Variants in CCDC187 observed in about 807,000 individuals in gnomAD.
The protein encoded by CCDC187 is coiled-coil domain containing 187.
Under a neutral mutation model 38.0 loss-of-function variants are expected in CCDC187, and 32 were observed. The ratio of observed to expected loss-of-function variants is 0.84; its 90% CI spans 0.64 to 1.13. CCDC187 has a LOEUF of 1.13. Ranked by LOEUF, CCDC187 falls within the 50% of genes most tolerant of loss-of-function variation. The probability of loss-of-function intolerance (pLI) is 0.00; values close to 1 mark genes in which losing one functional copy is unlikely to be tolerated. For synonymous variants in CCDC187, 333 were observed against 347.9 expected, an observed-to-expected ratio of 0.96 and a Z score of 0.48; for missense variants, 707 against 786.8, an observed-to-expected ratio of 0.90 and a Z score of 1.21.
At chr9:136,267,933 A>C in intron 15 of CCDC187, 116 bp downstream of exon 15, 1 of 985,376 alleles carries the variant, frequency 1.0e-6, no homozygotes, top group Non-Finnish European at 1.2e-6. Flanking sequence ...GAACCTCCCA[A>C]CCCAGGACCT....
Position 136,263,259 on chromosome 9 carries a change from C to T in CCDC187, c.3912+363G>A, listed in dbSNP as rs565724754. On this transcript the variant is annotated intron_variant, in intron 18 of 25. Coordinates refer to ENST00000638797, the MANE Select transcript of CCDC187 (RefSeq NM_001378188.1). Reference sequence around the variant, plus strand: ...GCTTTTTTTTTTTTTTTTTTTGAGACGAAGTCTCCCTGTCGCCCAGGGTGG... The same window carrying T: ...GCTTTTTTTTTTTTTTTTTTTGAGATGAAGTCTCCCTGTCGCCCAGGGTGG... Among the ~76,000 whole-genome samples, 59 of 116,832 alleles carry T rather than the reference C, an allele frequency of 5.0e-4. No homozygotes were observed. The East Asian group carries it at 0.014, about 28-fold the overall frequency. The allele number at this position is 116,832 out of a possible 152,430, so 76.6% of individuals were successfully genotyped here.
rs945081796 is a variant in CCDC187 at position 136,291,365 on chromosome 9, G to T, written c.1248C>A (p.Asp416Glu). ...TAGAGAAGGAGCTCTGGGCATTGGG[G>T]TCCCTGCAGCAGCCCCTCCCTGCCA... is the stretch of plus-strand genomic sequence containing the variant. ...QDVAGRGCCRDPNAQSSFSKS... is the reference protein window; with the variant it reads ...QDVAGRGCCREPNAQSSFSKS... The change falls in exon 6 of 26, where the codon GAC (aspartate) becomes GAA (glutamate). Residue 416 changes from aspartate (D) to glutamate (E), a missense_variant. Physicochemically the swap from Asp to Glu is conservative, Grantham distance 45 (BLOSUM62 2). Transcript: ENST00000638797. 4.8e-5 allele frequency: 19 copies of T among 398,934 alleles called. No homozygotes were observed. The highest frequency in any genetic ancestry group is 3.5e-4 in the African/African-American group (17 of 48,644). The allele number at this position is 398,934 out of a possible 1,614,324, so 24.7% of individuals were successfully genotyped here.
upstream of CCDC187, among the ~76,000 whole-genome samples, chr9:136,306,605 G>T (rs1032292116): frequency 6.6e-6 from 1 of 152,172 alleles, no homozygotes; most frequent in Non-Finnish European, 1.5e-5. Flanking sequence ...CTTAACCAGC[G>T]GATGAGGCTC....
At chr9:136,282,527 C>T (rs987764472) in intron 9 of CCDC187, among the ~76,000 whole-genome samples, 38 of 152,302 alleles carry the variant, frequency 2.5e-4, no homozygotes, top group African/African-American at 3.6e-4. Context: ...TCTGTGAGCA[C>T]GGCTCACCTC....
At chr9:136,286,047 GC>G (rs1831171442) in intron 8 of CCDC187, 37 bp downstream of exon 8, 2 of 398,034 alleles carry the variant, frequency 5.0e-6, no homozygotes, top group Non-Finnish European at 4.4e-6. Context: ...GGACCCCCTG[GC>G]CACCCAGCGG....
intron 10 of CCDC187, among the ~76,000 whole-genome samples, chr9:136,280,298 G>A (rs912366248): frequency 2.0e-5 from 3 of 152,238 alleles, no homozygotes; most frequent in Non-Finnish European, 4.4e-5. Context: ...TGCTCTCTCA[G>A]TGCCAGGCAG....
intron 9 of CCDC187, 61 bp downstream of exon 9, chr9:136,285,448 TGGGC>T (rs1831154824): frequency 3.9e-4 from 18 of 45,874 alleles, no homozygotes; most frequent in Non-Finnish European, 6.8e-4. Flanking sequence ...GGTGGGCAGG[TGGGC>T]AGGTGGGCAG....
rs1831334256 is a variant in CCDC187, at chr9:136,291,617, C to G, written c.996G>C (p.Lys332Asn). 5.0e-6 allele frequency: 2 copies of G among 398,690 alleles called. No individual in the cohort carries two copies. Among genetic ancestry groups the G allele is most frequent in the Admixed American group, 8.8e-5 (2 of 22,734 alleles). The allele number at this position is 398,690 out of a possible 1,614,324, so 24.7% of individuals were successfully genotyped here. A position where few individuals can be genotyped will look rare whatever the true frequency, so the allele number is the denominator to read the frequency against. Reference sequence around the variant, plus strand: ...GCAACTGGGCACAAACCGGTGAGCACTTGGCAGCTATGACTTTCTCGCTGT... The same window carrying G: ...GCAACTGGGCACAAACCGGTGAGCAGTTGGCAGCTATGACTTTCTCGCTGT... ...LGDSEKVIAA[K>N]CSPVCAQLPD... Residue 332 changes from lysine (K) to asparagine (N), a missense_variant, in exon 6 of 26, where the codon AAG becomes AAC. Physicochemically the swap from Lys to Asn is moderately conservative, Grantham distance 94. Coordinates refer to ENST00000638797, the MANE Select transcript of CCDC187 (RefSeq NM_001378188.1).
Position 136,272,283 on chromosome 9 carries a change from CAT to C in CCDC187, c.3442+2373_3442+2374del, listed in dbSNP as rs782634075. Reference sequence around the variant, plus strand: ...CTATGTGCAGATGTAAATATAAACACATATATTATTTAAAACTTTTAACAAGA... The same window carrying C: ...CTATGTGCAGATGTAAATATAAACACATATTATTTAAAACTTTTAACAAGA... On this transcript the variant is annotated intron_variant, in intron 14 of 25. Transcript: ENST00000638797. 4.2e-4 allele frequency among the ~76,000 whole-genome samples: 64 copies of C among 152,316 alleles called. No homozygotes were observed. In the Middle Eastern group the frequency reaches 0.014, roughly 32 times the overall value.
intron 4 of CCDC187, among the ~76,000 whole-genome samples, chr9:136,293,660 T>A (rs1831440767): frequency 6.7e-6 from 1 of 149,490 alleles, no homozygotes; most frequent in South Asian, 2.1e-4. Context: ...ATGCTCACAC[T>A]CTGTCACACG....
At chr9:136,273,072 C>A (rs1554762655) in intron 14 of CCDC187, among the ~76,000 whole-genome samples, 1 of 152,072 alleles carries the variant, frequency 6.6e-6, no homozygotes, top group African/African-American at 2.4e-5. Context: ...AAAAACATTG[C>A]TTAATCCAAA....
chr9:136,293,293 TCA>T (rs1442793928), intron 4 of CCDC187, among the ~76,000 whole-genome samples: 4 of 132,856 alleles, frequency 3.0e-5, no homozygotes, highest in Admixed American at 7.8e-5. Flanking sequence ...GCTCACACAC[TCA>T]CAAACACATG....
intron 4 of CCDC187, among the ~76,000 whole-genome samples, 159 bp downstream of exon 4, chr9:136,297,555 C>T (rs982698656): frequency 6.6e-6 from 1 of 152,110 alleles, no homozygotes; most frequent in Non-Finnish European, 1.5e-5. Context: ...ACGCTCCAGC[C>T]GGGCCTGCCG....
rs1588659223 is a variant in CCDC187, at chr9:136,276,236, T to C, written c.3183A>G (p.Thr1061=). ...AGAGCAGCCCATCCAGGGTCTGCTG[T>C]GTCTCCCGGGCCTCCAGCTCTGCCC... is the stretch of plus-strand genomic sequence containing the variant. The part of the protein sequence containing the change: ...RQRAELEARE[T]QQTLDGLLFR... The change falls in exon 12 of 26, where the codon ACA becomes ACG. Residue 1061 remains threonine, a synonymous_variant. Coordinates refer to ENST00000638797, the MANE Select transcript of CCDC187 (RefSeq NM_001378188.1). 2 of 152,216 alleles carry C rather than the reference T, an allele frequency of 1.3e-5. No individual in the cohort carries two copies. Among genetic ancestry groups the C allele is most frequent in the Admixed American group, 1.3e-4 (2 of 15,288 alleles). The allele number at this position is 152,216 out of a possible 1,614,324, so 9.4% of individuals were successfully genotyped here.
chr9:136,256,244 T>C lies in CCDC187; in HGVS notation c.4583A>G (p.Gln1528Arg). 2 of 985,552 alleles carry C rather than the reference T, an allele frequency of 2.0e-6. No individual in the cohort carries two copies. The highest frequency in any genetic ancestry group is 1.7e-5 in the African/African-American group (1 of 57,346). The allele number at this position is 985,552 out of a possible 1,614,324, so 61.1% of individuals were successfully genotyped here. The change falls in exon 24 of 26, where the codon CAG becomes CGG. Residue 1528 changes from glutamine to arginine, a missense_variant. Coordinates refer to ENST00000638797, the MANE Select transcript of CCDC187 (RefSeq NM_001378188.1). The part of the protein sequence containing the change: ...DFAESPVEES[Q>R]ETESWRSGEQ... ...CCCCGATCGCCAGCTCTCGGTTTCCTGGGACTCCTCCACGGGGCTCTCAGC... is the reference window on the plus strand; with the variant it reads ...CCCCGATCGCCAGCTCTCGGTTTCCCGGGACTCCTCCACGGGGCTCTCAGC...
At chr9:136,277,264 T>A (rs923361407) in intron 10 of CCDC187, among the ~76,000 whole-genome samples, 21,896 of 125,664 alleles carry the variant, frequency 0.17, 2,341 homozygotes, top group Middle Eastern at 0.4. Context: ...TAGAAGCTGC[T>A]GCTGATGGTG....
At chr9:136,288,511 A>T (rs1461401687) in intron 7 of CCDC187, among the ~76,000 whole-genome samples, 1 of 152,162 alleles carries the variant, frequency 6.6e-6, no homozygotes, top group Admixed American at 6.5e-5. Flanking sequence ...GCTGGAACCC[A>T]GGGCATGCAG....
chr9:136,262,885 G>A (rs1271445214), intron 18 of CCDC187, among the ~76,000 whole-genome samples: 1 of 152,056 alleles, frequency 6.6e-6, no homozygotes, highest in African/African-American at 2.4e-5. Context: ...CTTGCCTGGG[G>A]ACAGTCCCCC....
At chr9:136,301,415 G>C (rs1175512392) in intron 2 of CCDC187, among the ~76,000 whole-genome samples, 1 of 152,096 alleles carries the variant, frequency 6.6e-6, no homozygotes, top group African/African-American at 2.4e-5. Flanking sequence ...GGGTCCCGGG[G>C]CTGGGAGGGG....
Sources: allele counts gnomAD v4.1 joint callset (sites outside exome capture counted in the v4.1 genomes callset), GRCh38; gene constraint gnomAD v4.1.1; transcripts MANE v1.5; gene names NCBI Gene and HGNC (gene_info 2026-07-23, HGNC 2026-07-21).